Variants in PCLO observed in about 807,000 individuals in gnomAD.
The protein encoded by PCLO is piccolo presynaptic cytomatrix protein.
PCLO carries 82 observed loss-of-function variants against 427.5 expected under a neutral mutation model. That is an observed-to-expected ratio of 0.19 (90% confidence interval 0.16 to 0.23). The LOEUF (loss-of-function observed/expected upper bound fraction) is 0.23. Ranked by LOEUF, PCLO falls within the 10% of genes least tolerant of loss-of-function variation. PCLO has a pLI of 1.00. For missense variants in PCLO, 6,239 were observed against 6,115.9 expected (o/e 1.02, Z -0.67); for synonymous variants, 2,357 against 2,155.4 (o/e 1.09, Z -2.59).
At chr7:82,897,789 GA>G (rs1333911097) in intron 9 of PCLO, among the ~76,000 whole-genome samples, 1 of 151,146 alleles carries the variant, frequency 6.6e-6, no homozygotes, top group Non-Finnish European at 1.5e-5. Context: ...TTAATAAGTA[GA>G]AAAAAGTATA....
intron 10 of PCLO, among the ~76,000 whole-genome samples, chr7:82,852,080 G>A (rs1216317264): frequency 6.6e-6 from 1 of 151,876 alleles, no homozygotes; most frequent in South Asian, 2.1e-4. Flanking sequence ...AGAAAGGAAG[G>A]GGGGAATCTT....
intron 10 of PCLO, among the ~76,000 whole-genome samples, chr7:82,860,830 T>C (rs766479107): frequency 1.2e-4 from 19 of 152,056 alleles, no homozygotes; most frequent in African/African-American, 1.7e-4. Flanking sequence ...AATTAAGGCA[T>C]AGAGTTTTTA....
At chr7:82,969,709 G>A (rs1451864215) in intron 3 of PCLO, among the ~76,000 whole-genome samples, 1 of 151,886 alleles carries the variant, frequency 6.6e-6, no homozygotes, top group African/African-American at 2.4e-5. Flanking sequence ...TCTATTGGTT[G>A]GAAAGTGCAT....
intron 3 of PCLO, among the ~76,000 whole-genome samples, chr7:82,971,035 TG>T (rs951454879): frequency 3.9e-5 from 6 of 151,904 alleles, no homozygotes; most frequent in African/African-American, 1.4e-4. Context: ...CAAAGATTTT[TG>T]TATCAGTGTA....
At chr7:82,883,901 C>T (rs1793569179) in intron 9 of PCLO, among the ~76,000 whole-genome samples, 1 of 152,158 alleles carries the variant, frequency 6.6e-6, no homozygotes, top group Non-Finnish European at 1.5e-5. Context: ...TCCCTAGTAG[C>T]TGGGATTACA....
intron 4 of PCLO, among the ~76,000 whole-genome samples, chr7:82,959,267 T>C (rs906213661): frequency 1.3e-5 from 2 of 152,128 alleles, no homozygotes; most frequent in African/African-American, 2.4e-5. Flanking sequence ...GGTTTCACCA[T>C]GTTGGTTAGG....
rs752938680 is a variant in PCLO at position 83,097,454 on chromosome 7, G to A, written c.3300+36796C>T. Among the ~76,000 whole-genome samples, 147 of 146,108 alleles carry A rather than the reference G, an allele frequency of 1.0e-3. 1 individual carries two copies. Among genetic ancestry groups the A allele is most frequent in the Non-Finnish European group, 1.7e-3 (112 of 66,588 alleles). ...GGAGAATGGCATGAACCCGGGAGGC[G>A]GAGCTTGCAGTGAGCCGAGATCCTG... On this transcript the variant is annotated intron_variant, in intron 3 of 24. Coordinates refer to ENST00000333891, the MANE Select transcript of PCLO (RefSeq NM_033026.6).
chr7:83,084,773 T>C (rs1442391959), intron 3 of PCLO, among the ~76,000 whole-genome samples: 1 of 152,280 alleles, frequency 6.6e-6, no homozygotes, highest in East Asian at 1.9e-4. Flanking sequence ...TTGATCAATT[T>C]TGCACGTATT....
At chr7:82,884,049 G>T (rs1375935148) in intron 9 of PCLO, among the ~76,000 whole-genome samples, 2 of 152,234 alleles carry the variant, frequency 1.3e-5, no homozygotes, top group South Asian at 4.1e-4. Context: ...AATTACAGGC[G>T]TGAGCCACCG....
At chr7:83,088,686 A>G (rs183002881) in intron 3 of PCLO, among the ~76,000 whole-genome samples, 1 of 152,244 alleles carries the variant, frequency 6.6e-6, no homozygotes, top group East Asian at 1.9e-4. Context: ...TCTTACCAGC[A>G]GTCTTTCATT....
chr7:82,878,653 C>T (rs1470738448), intron 10 of PCLO, among the ~76,000 whole-genome samples: 1 of 152,124 alleles, frequency 6.6e-6, no homozygotes, highest in Non-Finnish European at 1.5e-5. Context: ...GGCCCATTAT[C>T]TCCTACTCTA....
intron 16 of PCLO, 31 bp downstream of exon 16, chr7:82,835,636 G>A: frequency 1.3e-6 from 2 of 1,590,188 alleles, no homozygotes; most frequent in Non-Finnish European, 1.7e-6. Flanking sequence ...CATAGCAGCA[G>A]AGCTTGACAC....
intron 1 of PCLO, among the ~76,000 whole-genome samples, chr7:83,161,207 A>T (rs1006501006): frequency 1.3e-5 from 2 of 150,470 alleles, no homozygotes; most frequent in Non-Finnish European, 3.0e-5. Context: ...TGGCAAAATT[A>T]TGCTTACGTG....
In PCLO at chr7:82,953,979, T is replaced by A; in HGVS notation, c.6974A>T (p.Glu2325Val). Residue 2325 changes from glutamate (E) to valine (V), a missense_variant, in exon 5 of 25, where the codon GAG becomes GTG. By Grantham distance (121) the Glu-to-Val change is moderately radical. Around this residue, in one of 5 missense-constraint regions of PCLO, gnomAD observed 4,677 missense variants for 4,468.4 expected, o/e 1.05. Coordinates refer to ENST00000333891, the MANE Select transcript of PCLO (RefSeq NM_033026.6). ...EVLEAYRDKK[E>V]LEAERTKSSL... ...ACTTTTTGTTCGTTCGGCCTCCAAC[T>A]CCTTTTTATCTCTGTAAGCTTCCAA... is the stretch of plus-strand genomic sequence containing the variant. 1 of 1,613,934 alleles carries A rather than the reference T, an allele frequency of 6.2e-7. No individual in the cohort carries two copies. Among genetic ancestry groups the A allele is most frequent in the Non-Finnish European group, 8.5e-7 (1 of 1,179,862 alleles).
In PCLO at chr7:83,135,433, A is replaced by G; in HGVS notation, c.2117T>C (p.Leu706Pro). 1 of 1,613,840 alleles carries G rather than the reference A, an allele frequency of 6.2e-7. No individual in the cohort carries two copies. Among genetic ancestry groups the G allele is most frequent in the Non-Finnish European group, 8.5e-7 (1 of 1,179,862 alleles). Residue 706 changes from leucine to proline, a missense_variant, in exon 3 of 25, where the codon CTA becomes CCA. By Grantham distance (98) the Leu-to-Pro change is moderately conservative (BLOSUM62 -3). Around this residue, in one of 5 missense-constraint regions of PCLO, gnomAD observed 4,677 missense variants for 4,468.4 expected, o/e 1.05. Coordinates refer to ENST00000333891, the MANE Select transcript of PCLO (RefSeq NM_033026.6). ...KAPEPKKPPP[L>P]VKQPTLHGSP... ...GCCATGAAGGGTTGGTTGTTTCACT[A>G]GTGGTGGTGGCTTTTTAGGCTCAGG...
chr7:82,800,847 A>G (rs902916237), intron 22 of PCLO, among the ~76,000 whole-genome samples: 8 of 151,958 alleles, frequency 5.3e-5, no homozygotes, highest in Admixed American at 3.3e-4. Flanking sequence ...GGCCTCCCAA[A>G]GTGCTGGGAT....
At chr7:82,917,476 C>G (rs987387045) in intron 6 of PCLO, among the ~76,000 whole-genome samples, 2 of 151,948 alleles carry the variant, frequency 1.3e-5, no homozygotes, top group African/African-American at 4.8e-5. Context: ...CAATAAAACT[C>G]CATTGGAACC....
intron 22 of PCLO, among the ~76,000 whole-genome samples, chr7:82,791,434 G>A (rs1475809523): frequency 6.6e-6 from 1 of 152,086 alleles, no homozygotes; most frequent in African/African-American, 2.4e-5. Flanking sequence ...CACTTTGGAT[G>A]ATAACAGCCT....
chr7:82,957,986 T>C (rs1795567226), intron 4 of PCLO, among the ~76,000 whole-genome samples: 1 of 152,168 alleles, frequency 6.6e-6, no homozygotes, highest in African/African-American at 2.4e-5. Flanking sequence ...ACTTGTTGCA[T>C]AAAGACTTTT....
Sources: allele counts gnomAD v4.1 joint callset (sites outside exome capture counted in the v4.1 genomes callset), GRCh38; gene constraint gnomAD v4.1.1; regional missense constraint gnomAD v4.1.1; transcripts MANE v1.5; gene names NCBI Gene and HGNC (gene_info 2026-07-23, HGNC 2026-07-21).